ABCB5: variants seen among roughly 807,000 people sequenced by gnomAD.
ABCB5 encodes the protein ATP binding cassette subfamily B member 5.
A neutral mutation model predicts 144.2 loss-of-function variants in ABCB5; 155 were observed. The observed-to-expected ratio is 1.08, with a 90% CI of 0.94 to 1.23. The LOEUF (loss-of-function observed/expected upper bound fraction) is 1.23. Ranked by LOEUF, ABCB5 falls within the 50% of genes most tolerant of loss-of-function variation. The pLI, the probability that ABCB5 is intolerant of heterozygous loss-of-function variation, is 0.00. For synonymous variants in ABCB5, 610 were observed against 528.6 expected (o/e 1.15, Z -2.11); for missense variants, 1,830 against 1,520.8 (o/e 1.20, Z -3.38).
intron 5 of ABCB5, chr7:20,641,618 G>A (rs540743531): frequency 6.5e-6 from 1 of 154,024 alleles, no homozygotes; most frequent in East Asian, 1.9e-4. Flanking sequence ...TATGCTTGAG[G>A]GAGACTGTGA....
chr7:20,755,908 T>C lies in ABCB5; in HGVS notation c.*284T>C, dbSNP rs767166741. ...AGCAGTTTTCTACAAGGTGAATTTA[T>C]TTCCCATCAACTTCTGCTATAAAAT... On this transcript the variant is annotated 3_prime_UTR_variant, in exon 28 of 28. Coordinates refer to ENST00000404938, the MANE Select transcript of ABCB5 (RefSeq NM_001163941.2). The C allele has an allele frequency of 2.9e-6, 1 of 345,988 alleles. No individual in the cohort carries two copies. The highest frequency in any genetic ancestry group is 5.3e-6 in the Non-Finnish European group (1 of 187,676). 21.4% of individuals were successfully genotyped at this position (345,988 alleles called of 1,614,324 possible).
intron 11 of ABCB5, among the ~76,000 whole-genome samples, chr7:20,648,486 G>C (rs6950224): frequency 0.36 from 55,033 of 151,860 alleles, 10,811 homozygotes; most frequent in African/African-American, 0.52. Flanking sequence ...TTTTACTGCA[G>C]CAGCAATTGC....
At chr7:20,744,431 C>G (rs1040896451) in intron 25 of ABCB5, among the ~76,000 whole-genome samples, 32 of 152,096 alleles carry the variant, frequency 2.1e-4, no homozygotes, top group Admixed American at 2.1e-3. Context: ...ATGTCTTAGT[C>G]TGAACGTCCT....
At chr7:20,732,997 C>G (rs1413385580) in intron 23 of ABCB5, among the ~76,000 whole-genome samples, 2 of 152,062 alleles carry the variant, frequency 1.3e-5, no homozygotes, top group African/African-American at 2.4e-5. Context: ...TAAGTATTTG[C>G]TGTATATTAT....
chr7:20,667,164 T>C (rs1321998059), intron 14 of ABCB5: 1 of 859,774 alleles, frequency 1.2e-6, no homozygotes, highest in Non-Finnish European at 1.4e-6. Context: ...ATTTATTTGA[T>C]GCACTCAGAT....
At chr7:20,630,658 C>T (rs1284068912) in intron 4 of ABCB5, among the ~76,000 whole-genome samples, 1 of 152,104 alleles carries the variant, frequency 6.6e-6, no homozygotes, top group African/African-American at 2.4e-5. Flanking sequence ...ACTGAGTAAA[C>T]ATTTATTGAT....
In ABCB5 at chr7:20,740,353, A is replaced by G. The variant is rs547139001; in HGVS notation, c.3024+1214A>G. 2.0e-5 allele frequency among the ~76,000 whole-genome samples: 3 copies of G among 152,332 alleles called. No individual in the cohort carries two copies. The South Asian group carries it at 6.2e-4, about 32-fold the overall frequency. ...TTAAAATAAAAATAGTCCATTAGGT[A>G]TATACTTAAATGTTTTTAACTTATA... is the stretch of plus-strand genomic sequence containing the variant. On this transcript the variant is annotated intron_variant, in intron 24 of 27. Transcript: ENST00000404938.
chr7:20,647,831 T>TC, intron 10 of ABCB5, 137 bp from the exon 11 acceptor site: 1 of 1,134,380 alleles, frequency 8.8e-7, no homozygotes, highest in South Asian at 1.5e-5. Context: ...ATTGAAACCT[T>TC]CATGTCTAAC....
chr7:20,714,682 AG>A (rs1241528129), intron 20 of ABCB5, among the ~76,000 whole-genome samples: 1 of 152,230 alleles, frequency 6.6e-6, no homozygotes, highest in Non-Finnish European at 1.5e-5. Flanking sequence ...AACTATAGAA[AG>A]GATATAATTC....
chr7:20,739,935 A>G (rs1782508726), intron 24 of ABCB5, among the ~76,000 whole-genome samples: 1 of 152,186 alleles, frequency 6.6e-6, no homozygotes, highest in Admixed American at 6.5e-5. Flanking sequence ...AAATCTCTCA[A>G]TAATAGTCTT....
At chr7:20,744,490 C>G (rs1404804310) in intron 25 of ABCB5, among the ~76,000 whole-genome samples, 2 of 152,128 alleles carry the variant, frequency 1.3e-5, no homozygotes, top group Non-Finnish European at 2.9e-5. Flanking sequence ...TCTCCATACC[C>G]TCCCCACTGC....
At chr7:20,660,414 T>G (rs1272557977) in intron 14 of ABCB5, 2 of 985,234 alleles carry the variant, frequency 2.0e-6, no homozygotes, top group Non-Finnish European at 2.4e-6. Flanking sequence ...CTGCTTTATG[T>G]ATGGTTTGCT....
Position 20,753,513 on chromosome 7 carries a change from T to G in ABCB5, c.3576+7T>G, listed in dbSNP as rs763957187. On this transcript the variant is annotated splice_region_variant and intron_variant, in intron 27 of 27. Transcript: ENST00000404938. Reference sequence around the variant, plus strand: ...CGATAATGACAGTGAGAAGGTAACATCATTTTCTTTTATCTCAGAATATAA... The same window carrying G: ...CGATAATGACAGTGAGAAGGTAACAGCATTTTCTTTTATCTCAGAATATAA... 2 of 1,608,214 alleles carry G rather than the reference T, an allele frequency of 1.2e-6. No individual in the cohort carries two copies. The highest frequency in any genetic ancestry group is 1.7e-6 in the Non-Finnish European group (2 of 1,177,752).
intron 4 of ABCB5, 29 bp downstream of exon 4, chr7:20,628,867 C>T: frequency 6.2e-7 from 1 of 1,608,854 alleles, no homozygotes. Context: ...TTCTGTATCA[C>T]TTAAGACACA....
chr7:20,648,718 G>A (rs11981909), intron 11 of ABCB5, among the ~76,000 whole-genome samples: 17,462 of 152,210 alleles, frequency 0.11, 3,111 homozygotes, highest in African/African-American at 0.38. Context: ...ATGATTTTAA[G>A]TGAAATAGAT....
At chr7:20,681,052 CTCTCTCTCTTTCTT>C (rs1562559082) in intron 14 of ABCB5, among the ~76,000 whole-genome samples, 4 of 47,074 alleles carry the variant, frequency 8.5e-5, no homozygotes, top group African/African-American at 3.8e-4. Context: ...TTCTTTCTCT[CTCTCTCTCTTTCTT>C]TCTTTCTTTC....
intron 9 of ABCB5, 87 bp downstream of exon 9, chr7:20,646,225 T>C: frequency 7.9e-7 from 1 of 1,258,082 alleles, no homozygotes; most frequent in Non-Finnish European, 1.1e-6. Context: ...AGATAAATAT[T>C]CAAAGATGGA....
At chr7:20,688,967 T>C (rs545308027) in intron 16 of ABCB5, among the ~76,000 whole-genome samples, 2 of 149,162 alleles carry the variant, frequency 1.3e-5, no homozygotes, top group Admixed American at 1.3e-4. Context: ...GGGTCTGTGG[T>C]GGGGTGGGGA....
At chr7:20,704,580 C>T (rs1195504019) in intron 19 of ABCB5, 144 bp from the exon 20 acceptor site, 12 of 583,810 alleles carry the variant, frequency 2.1e-5, no homozygotes, top group Non-Finnish European at 3.0e-6. Flanking sequence ...AAGCAACAGT[C>T]ATTCAATCCA....
Sources: allele counts gnomAD v4.1 joint callset (sites outside exome capture counted in the v4.1 genomes callset), GRCh38; gene constraint gnomAD v4.1.1; transcripts MANE v1.5; gene names NCBI Gene and HGNC (gene_info 2026-07-23, HGNC 2026-07-21).